TRERF1: variants seen among roughly 807,000 people sequenced by gnomAD.
TRERF1 encodes transcriptional regulating factor 1, also known as transcriptional-regulating factor 1.
In TRERF1, 27 loss-of-function variants were observed where a neutral mutation model predicts 122.9. The ratio of observed to expected loss-of-function variants is 0.22; its 90% CI spans 0.16 to 0.30. TRERF1 has a LOEUF of 0.30. Ranked by LOEUF, TRERF1 falls within the 10% of genes least tolerant of loss-of-function variation. The pLI is 1.00. For synonymous variants in TRERF1, 636 were observed against 641.7 expected (o/e 0.99, Z 0.13); for missense variants, 1,248 against 1,560.3 (o/e 0.80, Z 3.37).
chr6:42,322,760 G>C (rs1763655312), intron 3 of TRERF1, among the ~76,000 whole-genome samples: 1 of 152,166 alleles, frequency 6.6e-6, no homozygotes, highest in African/African-American at 2.4e-5. Flanking sequence ...TGGAGGACTG[G>C]AGCTGTAGCT....
At chr6:42,274,591 A>G (rs1481640583) in intron 4 of TRERF1, among the ~76,000 whole-genome samples, 1 of 152,146 alleles carries the variant, frequency 6.6e-6, no homozygotes, top group Non-Finnish European at 1.5e-5. Context: ...AGGCACAAGA[A>G]TCCCTTGAAC....
chr6:42,232,814 C>A lies in TRERF1; in HGVS notation c.3145G>T (p.Ala1049Ser), dbSNP rs1009674800. Reference sequence around the variant, plus strand: ...GGCTTCTGCTTCCCAGAGGGGATGGCACCTCGGGCCTTGGTCACCTGGTTG... The same window carrying A: ...GGCTTCTGCTTCCCAGAGGGGATGGAACCTCGGGCCTTGGTCACCTGGTTG... Residue 1049 changes from alanine to serine, a missense_variant, in exon 17 of 18, where the codon GCC becomes TCC. By Grantham distance (99) the Ala-to-Ser change is moderately conservative. Transcript: ENST00000372922. This position sits in a 1 kb window ranked among gnomAD's most constrained non-coding sequence, Gnocchi z 4.5. 2 of 1,612,878 alleles carry A rather than the reference C, an allele frequency of 1.2e-6. No individual in the cohort carries two copies. The highest frequency in any genetic ancestry group is 1.7e-6 in the Non-Finnish European group (2 of 1,179,492).
At chr6:42,363,706 C>T (rs1289021100) in intron 2 of TRERF1, among the ~76,000 whole-genome samples, 1 of 152,128 alleles carries the variant, frequency 6.6e-6, no homozygotes, top group Non-Finnish European at 1.5e-5. Flanking sequence ...GATGGGGGTT[C>T]CTAATCCAAA....
In TRERF1 at chr6:42,420,693, A is replaced by G. The variant is rs75796304; in HGVS notation, c.-454+30484T>C. Among the ~76,000 whole-genome samples, 3 of 152,314 alleles carry G rather than the reference A, an allele frequency of 2.0e-5. No homozygotes were observed. In the East Asian group the frequency reaches 5.8e-4, roughly 29 times the overall value. ...AAAAGAAAATCTCACCTATAAACAA[A>G]CCTAAATATGTTTAATTAAATCATA... On this transcript the variant is annotated intron_variant, in intron 2 of 17. Coordinates refer to ENST00000372922, the Ensembl canonical transcript of TRERF1.
intron 2 of TRERF1, among the ~76,000 whole-genome samples, chr6:42,405,932 C>T (rs1236137975): frequency 6.6e-6 from 1 of 151,998 alleles, no homozygotes; most frequent in Non-Finnish European, 1.5e-5. Flanking sequence ...ACTGACCCAC[C>T]ATGCAACAAA....
intron 3 of TRERF1, among the ~76,000 whole-genome samples, chr6:42,336,620 C>A (rs1766230918): frequency 6.6e-6 from 1 of 152,164 alleles, no homozygotes; most frequent in Non-Finnish European, 1.5e-5. Context: ...ACTCTAAGCC[C>A]TTCACAGAAC....
At chr6:42,341,030 G>A (rs544767801) in intron 3 of TRERF1, among the ~76,000 whole-genome samples, 5 of 152,284 alleles carry the variant, frequency 3.3e-5, no homozygotes, top group South Asian at 2.1e-4. Flanking sequence ...ACAGTCCCCC[G>A]TGTACAGTGG....
At chr6:42,436,326 A>G (rs557746372) in intron 2 of TRERF1, among the ~76,000 whole-genome samples, 15 of 152,080 alleles carry the variant, frequency 9.9e-5, no homozygotes, top group African/African-American at 3.6e-4. Context: ...CCAAGATCGC[A>G]CCACTGCACT....
At position 42,407,913 on chromosome 6, in the gene TRERF1, T is replaced by C. The variant is rs754186667; in HGVS notation, c.-454+43264A>G. Among the ~76,000 whole-genome samples, 94 of 151,552 alleles carry C rather than the reference T, an allele frequency of 6.2e-4. No individual in the cohort carries two copies. The Middle Eastern group carries it at 0.017, about 27-fold the overall frequency. On this transcript the variant is annotated intron_variant, in intron 2 of 17. Coordinates refer to ENST00000372922, the Ensembl canonical transcript of TRERF1. ...GTCGCACTTAACTTTGCTCTGTCTATCTCGTATCAAGTGTTTGAGTTCTCC... is the reference window on the plus strand; with the variant it reads ...GTCGCACTTAACTTTGCTCTGTCTACCTCGTATCAAGTGTTTGAGTTCTCC...
At position 42,290,738 on chromosome 6, in the gene TRERF1, T is replaced by C. The variant is rs1784160176; in HGVS notation, c.-259+9900A>G. ...TTAATTTATCCTTTTTTCCATTTCT[T>C]TCCTTTTTTTTTTTTTTTTTTTTTT... On this transcript the variant is annotated intron_variant, in intron 4 of 17. Coordinates refer to ENST00000372922, the Ensembl canonical transcript of TRERF1. 2.2e-5 allele frequency among the ~76,000 whole-genome samples: 3 copies of C among 138,904 alleles called. No homozygotes were observed. The Admixed American group carries it at 2.3e-4, about 11-fold the overall frequency. 91.1% of individuals were successfully genotyped at this position (138,904 alleles called of 152,430 possible).
intron 2 of TRERF1, among the ~76,000 whole-genome samples, chr6:42,387,349 A>C (rs974762210): frequency 6.6e-6 from 1 of 152,242 alleles, no homozygotes; most frequent in African/African-American, 2.4e-5. Context: ...AGCCTGCCTA[A>C]GGGCCGAGAA....
chr6:42,265,711 C>T (rs765196771), intron 6 of TRERF1, 40 bp downstream of exon 6: 1 of 1,601,276 alleles, frequency 6.2e-7, no homozygotes, highest in Non-Finnish European at 8.5e-7. Context: ...GAAAATCCTC[C>T]CCGTCTCCCA....
intron 3 of TRERF1, among the ~76,000 whole-genome samples, chr6:42,349,791 T>C (rs1336733199): frequency 6.6e-6 from 1 of 152,192 alleles, no homozygotes; most frequent in Non-Finnish European, 1.5e-5. Context: ...CTATTCTCTT[T>C]CATGGTAACC....
exon 18 of TRERF1, chr6:42,225,504 C>T (rs1456557543): frequency 6.6e-6 from 1 of 151,714 alleles, no homozygotes; most frequent in Non-Finnish European, 1.5e-5. Flanking sequence ...TATGAATATG[C>T]TATACATAGT....
intron 2 of TRERF1, among the ~76,000 whole-genome samples, chr6:42,404,678 C>T (rs1779916519): frequency 1.3e-5 from 2 of 152,094 alleles, no homozygotes; most frequent in Admixed American, 6.5e-5. Context: ...GGATACTCTC[C>T]TCCTGCCTCT....
chr6:42,246,479 C>CT lies in TRERF1; in HGVS notation c.2721dup (p.Asp908ArgfsTer49). ...ACCATCTTCTGTACAAAAATAAAGT[C>CT]TTTGCTGTAAGTGGCTAGTGCTTTG... On this transcript the variant is annotated frameshift_variant, in exon 14 of 18. Coordinates refer to ENST00000372922, the Ensembl canonical transcript of TRERF1. LOFTEE classifies it high-confidence loss of function. The CT allele has an allele frequency of 6.3e-7, 1 of 1,595,700 alleles. No homozygotes were observed. Among genetic ancestry groups the CT allele is most frequent in the Non-Finnish European group, 8.5e-7 (1 of 1,172,656 alleles).
At chr6:42,256,373 G>A (rs1055547448) in intron 12 of TRERF1, among the ~76,000 whole-genome samples, 8 of 152,266 alleles carry the variant, frequency 5.3e-5, no homozygotes, top group African/African-American at 1.9e-4. Context: ...GAGTATGATA[G>A]GCTATTTTAG....
intron 14 of TRERF1, among the ~76,000 whole-genome samples, chr6:42,245,843 C>T (rs1172278883): frequency 1.3e-5 from 2 of 152,360 alleles, no homozygotes; most frequent in East Asian, 1.9e-4. Flanking sequence ...CATGCCGGCT[C>T]ACGCCGGTAA....
chr6:42,329,309 G>C (rs567386252), intron 3 of TRERF1, among the ~76,000 whole-genome samples: 1 of 152,076 alleles, frequency 6.6e-6, no homozygotes, highest in Non-Finnish European at 1.5e-5. Context: ...GTGGGGGCTT[G>C]CTGAGATGAC....
Sources: gnomAD v4.1 joint callset for allele counts (sites outside exome capture counted in the v4.1 genomes callset) on GRCh38, gnomAD v4.1.1 for gene constraint, Gnocchi (gnomAD v3.1) non-coding constraint, MANE v1.5 for transcripts, NCBI Gene and HGNC (gene_info 2026-07-23, HGNC 2026-07-21) for gene names.